NXPE2: variants seen among roughly 807,000 people sequenced by gnomAD.
NXPE2 encodes the protein neurexophilin and PC-esterase domain family member 2.
A neutral mutation model predicts 34.4 loss-of-function variants in NXPE2; 34 were observed. The ratio of observed to expected loss-of-function variants is 0.99; its 90% CI spans 0.75 to 1.31. The LOEUF is 1.31. Ranked by LOEUF, NXPE2 falls within the 40% of genes most tolerant of loss-of-function variation. NXPE2 has a pLI of 0.00. For missense variants in NXPE2, 649 were observed against 672.5 expected (o/e 0.97, Z 0.39); for synonymous variants, 235 against 231.3 (o/e 1.02, Z -0.15).
chr11:114,539,863 C>T, the NXPE2 span, among the ~76,000 whole-genome samples: 70 of 152,042 alleles, frequency 4.6e-4, no homozygotes, highest in Non-Finnish European at 7.2e-4. Flanking sequence ...AATTATATTT[C>T]GTAAATTGTA....
the NXPE2 span, among the ~76,000 whole-genome samples, chr11:114,620,518 C>A: frequency 6.6e-6 from 1 of 151,598 alleles, no homozygotes; most frequent in Non-Finnish European, 1.5e-5. Context: ...AGGGTAACCA[C>A]TTTAAGGCGG....
the NXPE2 span, among the ~76,000 whole-genome samples, chr11:114,752,944 A>G: frequency 6.6e-6 from 1 of 152,248 alleles, no homozygotes; most frequent in Non-Finnish European, 1.5e-5. Flanking sequence ...AGAAGAGGTC[A>G]TAAGACTGAG....
chr11:114,554,946 G>C, the NXPE2 span, among the ~76,000 whole-genome samples: 1 of 152,066 alleles, frequency 6.6e-6, no homozygotes, highest in Non-Finnish European at 1.5e-5. Flanking sequence ...TTACCTTCCT[G>C]GATGACCTCA....
chr11:114,484,805 A>T, the NXPE2 span, among the ~76,000 whole-genome samples: 1 of 152,216 alleles, frequency 6.6e-6, no homozygotes, highest in African/African-American at 2.4e-5. Context: ...TCTTTCAAAA[A>T]TGTTCTTATT....
the NXPE2 span, among the ~76,000 whole-genome samples, chr11:114,720,245 C>G: frequency 5.8e-3 from 878 of 152,260 alleles, 6 homozygotes; most frequent in African/African-American, 0.02. Flanking sequence ...ATGGAGGGCC[C>G]TGAGCCATTG....
upstream of NXPE2, among the ~76,000 whole-genome samples, chr11:114,676,201 T>G (rs1950856504): frequency 6.6e-6 from 1 of 151,748 alleles, no homozygotes; most frequent in Admixed American, 6.6e-5. Flanking sequence ...GTCACTGAGG[T>G]TTTTTTGATA....
At chr11:114,580,314 TTC>T in the NXPE2 span, 1 of 1,614,054 alleles carries the variant, frequency 6.2e-7, no homozygotes, top group Non-Finnish European at 8.5e-7. Context: ...AAACTTGCAT[TTC>T]TCTTTCATTG....
chr11:114,575,050 A>G, the NXPE2 span, among the ~76,000 whole-genome samples: 4 of 152,184 alleles, frequency 2.6e-5, no homozygotes, highest in East Asian at 5.8e-4. Context: ...ACGTAAGTCA[A>G]TAAATGTGAT....
At chr11:114,745,927 C>T in the NXPE2 span, among the ~76,000 whole-genome samples, 1 of 151,926 alleles carries the variant, frequency 6.6e-6, no homozygotes, top group African/African-American at 2.4e-5. Flanking sequence ...AATAAGTTTA[C>T]AATCTTAGTT....
the NXPE2 span, among the ~76,000 whole-genome samples, chr11:114,655,264 T>C: frequency 1.3e-5 from 2 of 152,208 alleles, no homozygotes; most frequent in African/African-American, 2.4e-5. Flanking sequence ...TTTTCTCCCA[T>C]TCTGTAGGTT....
chr11:114,598,565 A>G, the NXPE2 span, among the ~76,000 whole-genome samples: 1 of 152,124 alleles, frequency 6.6e-6, no homozygotes, highest in African/African-American at 2.4e-5. Flanking sequence ...TCAAGCCTCA[A>G]CTCTTGCACT....
the NXPE2 span, among the ~76,000 whole-genome samples, chr11:114,614,262 T>C: frequency 5.3e-5 from 8 of 151,828 alleles, no homozygotes; most frequent in African/African-American, 9.7e-5. Flanking sequence ...GGATAGTAAG[T>C]ATTGCTTCAT....
the NXPE2 span, among the ~76,000 whole-genome samples, chr11:114,541,316 G>A: frequency 6.6e-6 from 1 of 152,194 alleles, no homozygotes; most frequent in Non-Finnish European, 1.5e-5. Context: ...TAACATAGAT[G>A]TTGGCCTGAT....
At position 114,698,188 on chromosome 11, in the gene NXPE2, C is replaced by T. The variant is rs544550683; in HGVS notation, c.276C>T (p.Asp92=). The T allele has an allele frequency of 1.2e-6, 2 of 1,614,164 alleles. No individual in the cohort carries two copies. The highest frequency in any genetic ancestry group is 1.7e-6 in the Non-Finnish European group (2 of 1,180,010). Residue 92 remains aspartate (D), a synonymous_variant, in exon 3 of 6, where the codon GAC becomes GAT. Coordinates refer to ENST00000389586, the MANE Select transcript of NXPE2 (RefSeq NM_182495.6). The stretch of plus-strand genomic sequence containing the variant: ...TAAAGGACATTATGGAGAAACTAGA[C>T]CAGCAGATCCCACCCAGACCTTTCA... ...LRIKDIMEKL[D]QQIPPRPFTH...
chr11:114,558,194 A>G, the NXPE2 span, among the ~76,000 whole-genome samples: 2 of 152,114 alleles, frequency 1.3e-5, no homozygotes, highest in Non-Finnish European at 2.9e-5. Flanking sequence ...ACATCTATGT[A>G]TATGTGTTTA....
the NXPE2 span, among the ~76,000 whole-genome samples, chr11:114,666,526 CT>C: frequency 3.9e-5 from 6 of 152,062 alleles, no homozygotes; most frequent in African/African-American, 1.4e-4. Context: ...AGGTAATTCT[CT>C]TTTTTTCAGA....
chr11:114,758,209 T>G, the NXPE2 span, among the ~76,000 whole-genome samples: 1 of 152,182 alleles, frequency 6.6e-6, no homozygotes, highest in African/African-American at 2.4e-5. Context: ...TGAATTTCAC[T>G]GACCCAGGAG....
the NXPE2 span, among the ~76,000 whole-genome samples, chr11:114,808,651 T>C: frequency 6.8e-6 from 1 of 147,630 alleles, no homozygotes; most frequent in Admixed American, 6.8e-5. Flanking sequence ...CAGGAAGAAG[T>C]TGAATCTCTG....
chr11:114,693,060 G>A (rs1167896161), intron 2 of NXPE2, among the ~76,000 whole-genome samples: 1 of 152,140 alleles, frequency 6.6e-6, no homozygotes, highest in Non-Finnish European at 1.5e-5. Flanking sequence ...CTGTACTTCT[G>A]TTGAAGTTTA....
Sources: gnomAD v4.1 joint callset for allele counts (sites outside exome capture counted in the v4.1 genomes callset) on GRCh38, gnomAD v4.1.1 for gene constraint, MANE v1.5 for transcripts, NCBI Gene and HGNC (gene_info 2026-07-23, HGNC 2026-07-21) for gene names.